Variants in KCTD8 observed in about 807,000 individuals in gnomAD.
KCTD8 encodes potassium channel tetramerization domain containing 8, also known as BTB/POZ domain-containing protein KCTD8.
In KCTD8, 27 loss-of-function variants were observed where a neutral mutation model predicts 31.5. The observed-to-expected ratio is 0.86, with a 90% CI of 0.63 to 1.18. KCTD8 has a LOEUF of 1.18. KCTD8 is among the 50% of genes most tolerant of loss of function. The probability of loss-of-function intolerance (pLI) is 0.00; values close to 1 mark genes in which losing one functional copy is unlikely to be tolerated. For synonymous variants in KCTD8, 290 were observed against 280.0 expected, an observed-to-expected ratio of 1.04 and a Z score of -0.36; for missense variants, 658 against 647.7, an observed-to-expected ratio of 1.02 and a Z score of -0.17.
chr4:44,446,806 C>T (rs1237091043), intron 1 of KCTD8, among the ~76,000 whole-genome samples: 4 of 152,112 alleles, frequency 2.6e-5, no homozygotes, highest in Admixed American at 2.6e-4. Context: ...TCCTCCCTTG[C>T]CCCTCCTAAT....
intron 1 of KCTD8, among the ~76,000 whole-genome samples, chr4:44,258,143 T>C (rs908721464): frequency 1.3e-5 from 2 of 151,998 alleles, no homozygotes; most frequent in African/African-American, 4.8e-5. Context: ...AGACAAGTCA[T>C]GGTTAATTGT....
intron 1 of KCTD8, among the ~76,000 whole-genome samples, chr4:44,184,473 G>T (rs1713522803): frequency 6.6e-6 from 1 of 152,102 alleles, no homozygotes; most frequent in Non-Finnish European, 1.5e-5. Context: ...GACTTGAAAA[G>T]AGAAACATGG....
intron 1 of KCTD8, among the ~76,000 whole-genome samples, chr4:44,431,404 T>C (rs1338956120): frequency 6.6e-6 from 1 of 151,492 alleles, no homozygotes; most frequent in Admixed American, 6.6e-5. Flanking sequence ...ACTTATTTTG[T>C]TTCCCCACCT....
chr4:44,436,633 G>A (rs1302123573), intron 1 of KCTD8, among the ~76,000 whole-genome samples: 3 of 152,056 alleles, frequency 2.0e-5, no homozygotes, highest in African/African-American at 7.2e-5. Context: ...ATGTAGGGGT[G>A]AAATAATATT....
chr4:44,276,704 G>C (rs1392397226), intron 1 of KCTD8, among the ~76,000 whole-genome samples: 1 of 151,806 alleles, frequency 6.6e-6, no homozygotes, highest in Non-Finnish European at 1.5e-5. Flanking sequence ...TCATATTTTT[G>C]TTTGGTAAGT....
chr4:44,447,507 G>T, intron 1 of KCTD8, 56 bp downstream of exon 1: 1 of 1,457,070 alleles, frequency 6.9e-7, no homozygotes. Context: ...GCTCAAACTG[G>T]CGGCGGCTCA....
At chr4:44,386,035 T>C (rs1028712942) in intron 1 of KCTD8, among the ~76,000 whole-genome samples, 7 of 151,416 alleles carry the variant, frequency 4.6e-5, no homozygotes, top group African/African-American at 1.5e-4. Context: ...TAGTTACTAC[T>C]TAAAAAAAAA....
At chr4:44,218,611 G>T (rs2109346887) in intron 1 of KCTD8, among the ~76,000 whole-genome samples, 1 of 146,372 alleles carries the variant, frequency 6.8e-6, no homozygotes, top group Non-Finnish European at 1.5e-5. Context: ...TATCTACTAT[G>T]TACTCACAAA....
In KCTD8 at chr4:44,264,175, A is replaced by C. The variant is rs183512326; in HGVS notation, c.962-88925T>G. Among the ~76,000 whole-genome samples the C allele has an allele frequency of 5.2e-3, 785 of 150,334 alleles. 8 individuals are homozygous for C. The highest frequency in any genetic ancestry group is 0.018 in the African/African-American group (747 of 41,478). On this transcript the variant is annotated intron_variant, in intron 1 of 1. Transcript: ENST00000360029. ...AAGAACTCAACAAATAATTGTTATT[A>C]GTCCTAAATAATAAAGAAGAACCAC...
At chr4:44,255,117 A>G (rs1393873226) in intron 1 of KCTD8, among the ~76,000 whole-genome samples, 1 of 151,828 alleles carries the variant, frequency 6.6e-6, no homozygotes, top group East Asian at 1.9e-4. Flanking sequence ...AGATAAGTGC[A>G]CCCTGCCTAT....
chr4:44,406,567 C>T (rs1224976220), intron 1 of KCTD8, among the ~76,000 whole-genome samples: 1 of 152,108 alleles, frequency 6.6e-6, no homozygotes, highest in African/African-American at 2.4e-5. Flanking sequence ...TGTCGAAGTC[C>T]AATTAAGCCC....
chr4:44,344,344 T>G (rs1718985438), intron 1 of KCTD8, among the ~76,000 whole-genome samples: 1 of 151,992 alleles, frequency 6.6e-6, no homozygotes, highest in South Asian at 2.1e-4. Flanking sequence ...ACCAACACAC[T>G]GGGCTAATGT....
chr4:44,380,911 CCTTT>C (rs1211361475), intron 1 of KCTD8, among the ~76,000 whole-genome samples: 1 of 151,908 alleles, frequency 6.6e-6, no homozygotes, highest in Non-Finnish European at 1.5e-5. Flanking sequence ...GTGAAACCTT[CCTTT>C]AATTTTTTTA....
chr4:44,373,946 T>C (rs1719855231), intron 1 of KCTD8, among the ~76,000 whole-genome samples: 2 of 152,348 alleles, frequency 1.3e-5, no homozygotes, highest in Middle Eastern at 3.4e-3. Context: ...AAAGATCGGC[T>C]TAGTTAAAAA....
At chr4:44,388,934 T>A (rs1720296944) in intron 1 of KCTD8, among the ~76,000 whole-genome samples, 2 of 151,826 alleles carry the variant, frequency 1.3e-5, no homozygotes. Context: ...TGGAGTATTA[T>A]TCAGCCATAA....
chr4:44,178,771 C>T (rs1309327398), intron 1 of KCTD8, among the ~76,000 whole-genome samples: 1 of 152,036 alleles, frequency 6.6e-6, no homozygotes, highest in Non-Finnish European at 1.5e-5. Context: ...CTATTTGTTT[C>T]TATTCACTGG....
chr4:44,223,297 A>T (rs1714860052), intron 1 of KCTD8, among the ~76,000 whole-genome samples: 1 of 152,142 alleles, frequency 6.6e-6, no homozygotes, highest in Non-Finnish European at 1.5e-5. Flanking sequence ...GGAAGATCAT[A>T]TTTTGGGGTG....
intron 1 of KCTD8, among the ~76,000 whole-genome samples, chr4:44,414,488 G>T (rs1472671042): frequency 6.6e-6 from 1 of 152,074 alleles, no homozygotes; most frequent in Non-Finnish European, 1.5e-5. Flanking sequence ...TTATAAATGT[G>T]TCGAAAGTAG....
At position 44,351,100 on chromosome 4, in the gene KCTD8, G is replaced by A. The variant is rs763130689; in HGVS notation, c.961+96463C>T. Among the ~76,000 whole-genome samples the A allele has an allele frequency of 3.3e-5, 5 of 151,936 alleles. 1 individual carries two copies. The highest frequency in any genetic ancestry group is 2.6e-4 in the Admixed American group (4 of 15,236). On this transcript the variant is annotated intron_variant, in intron 1 of 1. Transcript: ENST00000360029. ...CTCCCATTTATTCTGTTCCTTTACC[G>A]TGCTCTGTCTTCACATTCTTATAAT...
Sources: allele counts gnomAD v4.1 joint callset (sites outside exome capture counted in the v4.1 genomes callset), GRCh38; gene constraint gnomAD v4.1.1; transcripts MANE v1.5; gene names NCBI Gene and HGNC (gene_info 2026-07-23, HGNC 2026-07-21).